Variants in RIMKLA observed in about 807,000 individuals in gnomAD.
RIMKLA encodes N-acetylaspartylglutamate synthase A.
A neutral mutation model predicts 32.7 loss-of-function variants in RIMKLA; 14 were observed. That is an observed-to-expected ratio of 0.43 (90% CI 0.28 to 0.67). The LOEUF (loss-of-function observed/expected upper bound fraction) is 0.67. Ranked by LOEUF, RIMKLA falls within the 30% of genes least tolerant of loss-of-function variation. The probability of loss-of-function intolerance (pLI) is 0.18; values close to 1 mark genes in which losing one functional copy is unlikely to be tolerated. For missense variants in RIMKLA, 410 were observed against 519.0 expected (o/e 0.79, Z 2.04); for synonymous variants, 176 against 204.1 (o/e 0.86, Z 1.18).
intron 1 of RIMKLA, among the ~76,000 whole-genome samples, chr1:42,382,905 C>A (rs1479248746): frequency 2.0e-5 from 3 of 151,898 alleles, no homozygotes; most frequent in Admixed American, 6.6e-5. Context: ...GTTGCCCAGT[C>A]TGGAATGCAA....
intron 1 of RIMKLA, among the ~76,000 whole-genome samples, chr1:42,391,489 C>T (rs535795631): frequency 2.0e-5 from 3 of 151,992 alleles, no homozygotes; most frequent in Non-Finnish European, 4.4e-5. Context: ...ACAGCCACAA[C>T]TTAGAGGGCT....
intron 2 of RIMKLA, among the ~76,000 whole-genome samples, chr1:42,403,505 C>A (rs1313934901): frequency 6.6e-6 from 1 of 152,060 alleles, no homozygotes; most frequent in African/African-American, 2.4e-5. Context: ...TATAAGAACC[C>A]AGGTTCATAA....
chr1:42,413,179 T>C (rs1262623286), intron 4 of RIMKLA, among the ~76,000 whole-genome samples: 2 of 151,992 alleles, frequency 1.3e-5, no homozygotes, highest in African/African-American at 4.8e-5. Context: ...GTTCTAATCA[T>C]GAGAAGAATA....
At chr1:42,409,687 T>A (rs2148394357) in intron 3 of RIMKLA, among the ~76,000 whole-genome samples, 1 of 152,326 alleles carries the variant, frequency 6.6e-6, no homozygotes, top group East Asian at 1.9e-4. Context: ...GGGCACTGAA[T>A]TGATTAGATC....
chr1:42,404,878 A>G (rs1643130247), intron 3 of RIMKLA, among the ~76,000 whole-genome samples: 1 of 152,094 alleles, frequency 6.6e-6, no homozygotes, highest in Non-Finnish European at 1.5e-5. Context: ...TCTCTGAAAC[A>G]TAGATCTGTT....
chr1:42,407,881 C>G (rs1370934854), intron 3 of RIMKLA, among the ~76,000 whole-genome samples: 2 of 152,168 alleles, frequency 1.3e-5, no homozygotes, highest in African/African-American at 2.4e-5. Flanking sequence ...CTGCCTTTCT[C>G]TCCTTTTTTC....
chr1:42,402,238 C>T lies in RIMKLA; in HGVS notation c.395-2273C>T, dbSNP rs537233807. 3.3e-5 allele frequency among the ~76,000 whole-genome samples: 5 copies of T among 152,300 alleles called. No individual in the cohort carries two copies. In the South Asian group the frequency reaches 1.0e-3, roughly 32 times the overall value. On this transcript the variant is annotated intron_variant, in intron 2 of 4. Coordinates refer to ENST00000431473, the MANE Select transcript of RIMKLA (RefSeq NM_173642.4). ...CCCTGAGATACCCAAGTCCTAATCC[C>T]TAGCACCTGTGATTATGTTAGTTTA...
At chr1:42,398,336 G>A (rs1490969560) in intron 1 of RIMKLA, among the ~76,000 whole-genome samples, 2 of 152,166 alleles carry the variant, frequency 1.3e-5, no homozygotes, top group Non-Finnish European at 2.9e-5. Context: ...ACAGCATCAC[G>A]TCATCTTGCA....
intron 2 of RIMKLA, among the ~76,000 whole-genome samples, chr1:42,402,258 A>C (rs1050298565): frequency 6.6e-6 from 1 of 152,212 alleles, no homozygotes; most frequent in African/African-American, 2.4e-5. Context: ...TGATTATGTT[A>C]GTTTATGTGG....
At position 42,408,851 on chromosome 1, in the gene RIMKLA, C is replaced by G. The variant is rs112705517; in HGVS notation, c.482-1133C>G. Among the ~76,000 whole-genome samples, 12 of 152,288 alleles carry G rather than the reference C, an allele frequency of 7.9e-5. 1 individual carries two copies. The highest frequency in any genetic ancestry group is 2.9e-4 in the African/African-American group (12 of 41,550). ...ATGTTCAGACTGGGCATGCTCATGT[C>G]AGATTTGCAGAGCAAACTTATCAGA... On this transcript the variant is annotated intron_variant, in intron 3 of 4. Transcript: ENST00000431473.
At chr1:42,386,104 G>A (rs376520859) in intron 1 of RIMKLA, among the ~76,000 whole-genome samples, 7 of 151,712 alleles carry the variant, frequency 4.6e-5, no homozygotes, top group African/African-American at 1.5e-4. Context: ...TGTATTTTTA[G>A]TAGAGATGGG....
chr1:42,411,196 A>G (rs1452740701), intron 4 of RIMKLA, among the ~76,000 whole-genome samples: 1 of 152,044 alleles, frequency 6.6e-6, no homozygotes, highest in South Asian at 2.1e-4. Context: ...AGCCAAGTGC[A>G]GTAGCACATG....
At chr1:42,402,033 C>G (rs1287707580) in intron 2 of RIMKLA, among the ~76,000 whole-genome samples, 1 of 152,098 alleles carries the variant, frequency 6.6e-6, no homozygotes, top group East Asian at 1.9e-4. Context: ...AGCGGGATGG[C>G]GGGAAGCTGG....
At chr1:42,392,949 G>T (rs1297721564) in intron 1 of RIMKLA, among the ~76,000 whole-genome samples, 1 of 152,104 alleles carries the variant, frequency 6.6e-6, no homozygotes, top group Non-Finnish European at 1.5e-5. Flanking sequence ...CCGAGATCGC[G>T]CCATTGCACT....
chr1:42,404,465 C>A, intron 2 of RIMKLA, 46 bp from the exon 3 acceptor site: 1 of 1,340,718 alleles, frequency 7.5e-7, no homozygotes, highest in Non-Finnish European at 1.1e-6. Context: ...TGACCGCTAC[C>A]TGACTATCAG....
At chr1:42,386,420 C>T (rs1235037927) in intron 1 of RIMKLA, among the ~76,000 whole-genome samples, 2 of 152,104 alleles carry the variant, frequency 1.3e-5, no homozygotes, top group African/African-American at 2.4e-5. Context: ...GTGTTAGCCT[C>T]ACCTCACTCC....
intron 1 of RIMKLA, among the ~76,000 whole-genome samples, chr1:42,389,856 A>G (rs1642985527): frequency 6.6e-6 from 1 of 152,068 alleles, no homozygotes; most frequent in Non-Finnish European, 1.5e-5. Context: ...ATGAGGAATT[A>G]TAATTGATTT....
intron 4 of RIMKLA, among the ~76,000 whole-genome samples, chr1:42,413,228 G>A (rs914539193): frequency 5.3e-5 from 8 of 151,874 alleles, no homozygotes; most frequent in South Asian, 2.1e-4. Flanking sequence ...ATGGCCGGGC[G>A]CAGTGGCTCA....
rs945239497 is a variant in RIMKLA, at chr1:42,416,089, G to A, written c.*1115G>A. ...GGAATTACCCATTGCACATTTTGCG[G>A]GGGGGGGGGCTAATGTAGACATGAC... On this transcript the variant is annotated 3_prime_UTR_variant, in exon 5 of 5. Coordinates refer to ENST00000431473, the MANE Select transcript of RIMKLA (RefSeq NM_173642.4). The A allele has an allele frequency of 1.7e-5, 1 of 58,770 alleles. No individual in the cohort carries two copies. Among genetic ancestry groups the A allele is most frequent in the African/African-American group, 7.8e-5 (1 of 12,820 alleles). The allele number at this position is 58,770 out of a possible 1,614,324, so 3.6% of individuals were successfully genotyped here.
Sources: gnomAD v4.1 joint callset for allele counts (sites outside exome capture counted in the v4.1 genomes callset) on GRCh38, gnomAD v4.1.1 for gene constraint, MANE v1.5 for transcripts, NCBI Gene and HGNC (gene_info 2026-07-23, HGNC 2026-07-21) for gene names.